Variants in KLHL14 observed in about 807,000 individuals in gnomAD.
The protein encoded by KLHL14 is kelch-like protein 14.
In KLHL14, 22 loss-of-function variants were observed where a neutral mutation model predicts 64.3. The observed-to-expected ratio is 0.34, with a 90% confidence interval of 0.24 to 0.49. KLHL14 has a LOEUF of 0.49. Ranked by LOEUF, KLHL14 falls within the 20% of genes least tolerant of loss-of-function variation. KLHL14 has a pLI of 0.99. For missense variants in KLHL14, 661 were observed against 789.0 expected (o/e 0.84, Z 1.94); for synonymous variants, 322 against 333.4 (o/e 0.97, Z 0.37).
chr18:32,677,700 C>T (rs908447698), intron 7 of KLHL14, among the ~76,000 whole-genome samples: 4 of 152,078 alleles, frequency 2.6e-5, no homozygotes, highest in African/African-American at 9.7e-5. Context: ...TTTCTAAGGG[C>T]TTTATTTAAA....
At chr18:32,693,415 G>GAC (rs902690842) in intron 4 of KLHL14, among the ~76,000 whole-genome samples, 3 of 82,816 alleles carry the variant, frequency 3.6e-5, no homozygotes, top group African/African-American at 1.6e-4. Context: ...CACACACACA[G>GAC]AGAGAGAGAG....
chr18:32,692,043 G>A (rs182231543), intron 4 of KLHL14, among the ~76,000 whole-genome samples: 1 of 152,190 alleles, frequency 6.6e-6, no homozygotes, highest in African/African-American at 2.4e-5. Context: ...CATAAGCTGG[G>A]GCACTGACAG....
At chr18:32,747,921 AT>A (rs1411467277) in intron 2 of KLHL14, among the ~76,000 whole-genome samples, 2 of 152,178 alleles carry the variant, frequency 1.3e-5, no homozygotes, top group Non-Finnish European at 2.9e-5. Flanking sequence ...TCCTCTACTG[AT>A]TTAGACACTT....
At chr18:32,768,838 T>C (rs75334441) in intron 2 of KLHL14, among the ~76,000 whole-genome samples, 1,643 of 152,208 alleles carry the variant, frequency 0.011, 23 homozygotes, top group Non-Finnish European at 0.015. Flanking sequence ...CTCTCCAACT[T>C]CTTTGTCACT....
chr18:32,768,389 T>TCA (rs2050357799), intron 2 of KLHL14, among the ~76,000 whole-genome samples: 3 of 71,498 alleles, frequency 4.2e-5, no homozygotes, highest in African/African-American at 5.9e-5. Context: ...GGAAACATAA[T>TCA]GACACACACA....
chr18:32,699,253 T>C (rs901824207), intron 3 of KLHL14, among the ~76,000 whole-genome samples: 3 of 152,170 alleles, frequency 2.0e-5, no homozygotes, highest in Admixed American at 6.6e-5. Context: ...TGACCAAACA[T>C]TTACTATGTG....
At chr18:32,744,136 A>C (rs2050212756) in intron 2 of KLHL14, 2 of 152,210 alleles carry the variant, frequency 1.3e-5, no homozygotes, top group Non-Finnish European at 2.9e-5. Flanking sequence ...AAAGCAACAT[A>C]ATTAAATATA....
At chr18:32,761,393 C>T (rs1297791382) in intron 2 of KLHL14, among the ~76,000 whole-genome samples, 2 of 127,084 alleles carry the variant, frequency 1.6e-5, no homozygotes, top group Non-Finnish European at 3.2e-5. Context: ...GCCACACATC[C>T]TTTTTTTTTT....
chr18:32,710,702 A>G (rs963922286), intron 3 of KLHL14, among the ~76,000 whole-genome samples: 1 of 152,126 alleles, frequency 6.6e-6, no homozygotes, highest in African/African-American at 2.4e-5. Flanking sequence ...GAGAAGAGTA[A>G]TTGCTTTTTT....
At position 32,770,768 on chromosome 18, in the gene KLHL14, C is replaced by T. The variant is rs2144201374; in HGVS notation, c.-43-134G>A. On this transcript the variant is annotated intron_variant, in intron 1 of 8. Transcript: ENST00000359358. The surrounding 1 kb of genome is among the most constrained non-coding windows in gnomAD (Gnocchi z 6.7). Reference sequence around the variant, plus strand: ...GAATCAAGGCTCAGCTTGACTCCCTCCTGGCGCGCTCCGGACCCCGACCCT... The same window carrying T: ...GAATCAAGGCTCAGCTTGACTCCCTTCTGGCGCGCTCCGGACCCCGACCCT... 2 of 590,188 alleles carry T rather than the reference C, an allele frequency of 3.4e-6. No homozygotes were observed. The highest frequency in any genetic ancestry group is 1.9e-5 in the African/African-American group (1 of 52,008). 36.6% of individuals were successfully genotyped at this position (590,188 alleles called of 1,614,324 possible). A position where few individuals can be genotyped will look rare whatever the true frequency, so the allele number is the denominator to read the frequency against.
intron 2 of KLHL14, among the ~76,000 whole-genome samples, chr18:32,758,479 T>C (rs1258966722): frequency 6.6e-6 from 1 of 152,172 alleles, no homozygotes; most frequent in Admixed American, 6.5e-5. Context: ...CTGGTGTGAA[T>C]GTAAAATGGT....
At position 32,767,422 on chromosome 18, in the gene KLHL14, G is replaced by A. The variant is rs889308671; in HGVS notation, c.947+2223C>T. 7.2e-5 allele frequency among the ~76,000 whole-genome samples: 11 copies of A among 152,130 alleles called. 1 individual carries two copies. Among genetic ancestry groups the A allele is most frequent in the African/African-American group, 2.2e-4 (9 of 41,414 alleles). Reference sequence around the variant, plus strand: ...TTACTTTGAGGTCAATGATAGGTTCGCATGAACTATTTGCTTTTCTATATC... The same window carrying A: ...TTACTTTGAGGTCAATGATAGGTTCACATGAACTATTTGCTTTTCTATATC... On this transcript the variant is annotated intron_variant, in intron 2 of 8. Coordinates refer to ENST00000359358, the MANE Select transcript of KLHL14 (RefSeq NM_020805.3).
chr18:32,705,146 A>AT (rs1177671111), intron 3 of KLHL14, among the ~76,000 whole-genome samples: 4 of 152,356 alleles, frequency 2.6e-5, no homozygotes, highest in African/African-American at 9.6e-5. Context: ...TATTAGCTTA[A>AT]TTTAAAAAAA....
chr18:32,766,606 C>T lies in KLHL14; in HGVS notation c.947+3039G>A, dbSNP rs186066505. Among the ~76,000 whole-genome samples, 667 of 152,228 alleles carry T rather than the reference C, an allele frequency of 4.4e-3. 4 individuals are homozygous for T. The highest frequency in any genetic ancestry group is 6.3e-3 in the Non-Finnish European group (426 of 67,940). ...ACTAAAACTTATTCTTCCCGTCTAACTGAAACTTTATATCCTTTGTCAATC... is the reference window on the plus strand; with the variant it reads ...ACTAAAACTTATTCTTCCCGTCTAATTGAAACTTTATATCCTTTGTCAATC... On this transcript the variant is annotated intron_variant, in intron 2 of 8. Coordinates refer to ENST00000359358, the MANE Select transcript of KLHL14 (RefSeq NM_020805.3).
intron 2 of KLHL14, among the ~76,000 whole-genome samples, chr18:32,758,853 T>C (rs911195442): frequency 4.6e-5 from 7 of 152,296 alleles, no homozygotes; most frequent in Admixed American, 4.6e-4. Context: ...TATTGCATGA[T>C]TCTATTTATA....
chr18:32,729,198 G>T (rs1165304235), intron 3 of KLHL14, among the ~76,000 whole-genome samples: 3 of 152,102 alleles, frequency 2.0e-5, no homozygotes, highest in Admixed American at 6.5e-5. Context: ...ATTTCGTGGG[G>T]GTCACCTATT....
intron 3 of KLHL14, among the ~76,000 whole-genome samples, chr18:32,735,784 G>C (rs1440359272): frequency 6.6e-6 from 1 of 152,060 alleles, no homozygotes; most frequent in Non-Finnish European, 1.5e-5. Flanking sequence ...TATTAACATG[G>C]TGATATTTGT....
chr18:32,772,151 C>A lies in KLHL14; in HGVS notation c.-44+516G>T. 1.1e-5 allele frequency: 3 copies of A among 273,178 alleles called. 1 individual carries two copies. The highest frequency in any genetic ancestry group is 2.2e-5 in the Non-Finnish European group (3 of 135,206). The allele number at this position is 273,178 out of a possible 1,614,324, so 16.9% of individuals were successfully genotyped here. ...CCGGGGGAGAGCCGCCGCCGCCGCC[C>A]GGCTCGGAGGGATCCCGGCGGACCT... is the stretch of plus-strand genomic sequence containing the variant. On this transcript the variant is annotated intron_variant, in intron 1 of 8. Transcript: ENST00000359358.
intron 2 of KLHL14, among the ~76,000 whole-genome samples, chr18:32,768,390 G>GACAC (rs10567081): frequency 0.14 from 19,791 of 141,478 alleles, 1,487 homozygotes; most frequent in East Asian, 0.29. Flanking sequence ...GAAACATAAT[G>GACAC]ACACACACAC....
Sources: allele counts gnomAD v4.1 joint callset (sites outside exome capture counted in the v4.1 genomes callset), GRCh38; gene constraint gnomAD v4.1.1; non-coding constraint Gnocchi (gnomAD v3.1); transcripts MANE v1.5; gene names NCBI Gene and HGNC (gene_info 2026-07-23, HGNC 2026-07-21).